Variants in VSTM2L observed in about 807,000 individuals in gnomAD.
The protein encoded by VSTM2L is V-set and transmembrane domain-containing protein 2-like protein.
Under a neutral mutation model 19.9 loss-of-function variants are expected in VSTM2L, and 9 were observed. The observed-to-expected ratio is 0.45, with a 90% CI of 0.27 to 0.79. The LOEUF is 0.79. Among genes scored for constraint, VSTM2L ranks in the 30% least tolerant of loss-of-function variants. The pLI, the probability that VSTM2L is intolerant of heterozygous loss-of-function variation, is 0.15. For missense variants in VSTM2L, 286 were observed against 295.5 expected (o/e 0.97, Z 0.24); for synonymous variants, 127 against 133.8 (o/e 0.95, Z 0.35).
At chr20:37,931,838 G>A in intron 2 of VSTM2L, 34 bp downstream of exon 2, 1 of 1,602,172 alleles carries the variant, frequency 6.2e-7, no homozygotes, top group Non-Finnish European at 8.5e-7. Flanking sequence ...AAGCTGGGCT[G>A]GGGAAGTCCT....
intron 1 of VSTM2L, among the ~76,000 whole-genome samples, chr20:37,926,692 T>C (rs1483374339): frequency 6.6e-6 from 1 of 152,216 alleles, no homozygotes; most frequent in Non-Finnish European, 1.5e-5. Flanking sequence ...GAGCATGGAC[T>C]TGGGCGTCAC....
chr20:37,939,841 G>A (rs1327858964), intron 3 of VSTM2L, among the ~76,000 whole-genome samples: 1 of 152,192 alleles, frequency 6.6e-6, no homozygotes, highest in Admixed American at 6.5e-5. Flanking sequence ...GACTTGTCAC[G>A]GTCAGCGCCT....
At chr20:37,934,890 C>G (rs575259912) in intron 3 of VSTM2L, among the ~76,000 whole-genome samples, 1 of 152,268 alleles carries the variant, frequency 6.6e-6, no homozygotes, top group Admixed American at 6.5e-5. Flanking sequence ...TCTGAAAATT[C>G]AAGCCATTTT....
rs1486956487 is a variant in VSTM2L at position 37,903,262 on chromosome 20, C to A, written c.-89C>A. ...CAGCTGCCGGAGCCGGGCAGCCAGG[C>A]CGCTCAGGGCAGGGGACAGCTGGCG... On this transcript the variant is annotated 5_prime_UTR_variant, in exon 1 of 4. Coordinates refer to ENST00000373461, the MANE Select transcript of VSTM2L (RefSeq NM_080607.3). 1.7e-5 allele frequency: 21 copies of A among 1,247,282 alleles called. No homozygotes were observed. The highest frequency in any genetic ancestry group is 2.1e-5 in the Non-Finnish European group (21 of 994,862). 77.3% of individuals were successfully genotyped at this position (1,247,282 alleles called of 1,614,324 possible). A position where few individuals can be genotyped will look rare whatever the true frequency, so the allele number is the denominator to read the frequency against.
intron 1 of VSTM2L, among the ~76,000 whole-genome samples, chr20:37,905,939 A>G (rs2072749793): frequency 6.6e-6 from 1 of 151,674 alleles, no homozygotes; most frequent in South Asian, 2.1e-4. Context: ...AAAGCTCAGA[A>G]ATTGCTGTTT....
chr20:37,933,259 A>G (rs6096973), intron 2 of VSTM2L, among the ~76,000 whole-genome samples: 2,742 of 152,296 alleles, frequency 0.018, 82 homozygotes, highest in African/African-American at 0.062. Context: ...ACTCCCTCCA[A>G]TATATACCAA....
chr20:37,930,163 A>G (rs983744998), intron 1 of VSTM2L, among the ~76,000 whole-genome samples: 1 of 152,168 alleles, frequency 6.6e-6, no homozygotes, highest in Admixed American at 6.5e-5. Context: ...CCAGAAACCC[A>G]CTGTTCAAGT....
At chr20:37,932,521 G>A (rs2072916690) in intron 2 of VSTM2L, among the ~76,000 whole-genome samples, 1 of 152,154 alleles carries the variant, frequency 6.6e-6, no homozygotes. Flanking sequence ...GTTGGAGGAT[G>A]AATGCCTCAG....
intron 1 of VSTM2L, among the ~76,000 whole-genome samples, chr20:37,921,502 A>G (rs566056401): frequency 3.7e-4 from 57 of 152,324 alleles, no homozygotes; most frequent in African/African-American, 1.3e-3. Context: ...CTGAGCATCT[A>G]CTATGTGCAT....
At chr20:37,908,222 G>T (rs2072761278) in intron 1 of VSTM2L, among the ~76,000 whole-genome samples, 1 of 152,340 alleles carries the variant, frequency 6.6e-6, no homozygotes, top group Non-Finnish European at 1.5e-5. Context: ...CGGCCAGCAG[G>T]ACGCAGGGAA....
At position 37,935,847 on chromosome 20, in the gene VSTM2L, T is replaced by C. The variant is rs192787126; in HGVS notation, c.342+2258T>C. Among the ~76,000 whole-genome samples, 148 of 151,746 alleles carry C rather than the reference T, an allele frequency of 9.8e-4. 1 individual carries two copies. Among genetic ancestry groups the C allele is most frequent in the African/African-American group, 3.4e-3 (139 of 41,344 alleles). On this transcript the variant is annotated intron_variant, in intron 3 of 3. Transcript: ENST00000373461. ...TGAATAATTATCACACACACAGACATACGCCCAGGCCAATGTGTGTGTGAA... is the reference window on the plus strand; with the variant it reads ...TGAATAATTATCACACACACAGACACACGCCCAGGCCAATGTGTGTGTGAA...
In VSTM2L at chr20:37,933,553, G is replaced by A. The variant is rs147470276; in HGVS notation, c.306G>A (p.Gln102=). Residue 102 remains glutamine, a synonymous_variant, in exon 3 of 4, where the codon CAG becomes CAA. Transcript: ENST00000373461. ...AWASNQLKAS[Q]QEDAGKEATK... ...GATCCCAACAGCTAAAAGCATCTCAGCAGGAAGACGCAGGGAAGGAGGCAA... is the reference window on the plus strand; with the variant it reads ...GATCCCAACAGCTAAAAGCATCTCAACAGGAAGACGCAGGGAAGGAGGCAA... 9.8e-4 allele frequency: 1,565 copies of A among 1,594,828 alleles called. 20 individuals carry two copies. In the South Asian group the frequency reaches 0.016, roughly 16 times the overall value.
At chr20:37,926,480 T>C (rs764886214) in intron 1 of VSTM2L, among the ~76,000 whole-genome samples, 136 of 151,912 alleles carry the variant, frequency 9.0e-4, no homozygotes, top group Admixed American at 2.8e-3. Context: ...GAGGCAGAGG[T>C]TGCAGTGAGC....
intron 1 of VSTM2L, among the ~76,000 whole-genome samples, chr20:37,913,737 C>T (rs1184320541): frequency 6.6e-6 from 1 of 152,244 alleles, no homozygotes; most frequent in Non-Finnish European, 1.5e-5. Context: ...AGTGGAGCTG[C>T]GCCTGGCTGC....
At chr20:37,909,765 G>A (rs1027022633) in intron 1 of VSTM2L, among the ~76,000 whole-genome samples, 10 of 152,080 alleles carry the variant, frequency 6.6e-5, no homozygotes, top group South Asian at 2.1e-4. Context: ...CAAGGGTCGC[G>A]CCCTTCTCCC....
intron 1 of VSTM2L, among the ~76,000 whole-genome samples, chr20:37,921,340 C>T (rs533609444): frequency 3.3e-5 from 5 of 152,082 alleles, no homozygotes; most frequent in Non-Finnish European, 7.4e-5. Flanking sequence ...CTTTGGATGC[C>T]GAGCCTGGGA....
chr20:37,923,050 G>A (rs370507698), intron 1 of VSTM2L, among the ~76,000 whole-genome samples: 6 of 152,300 alleles, frequency 3.9e-5, no homozygotes, highest in African/African-American at 1.4e-4. Flanking sequence ...ACTATGTGCC[G>A]TGAGGCGTGA....
rs182279441 is a variant in VSTM2L at position 37,903,396 on chromosome 20, G to A, written c.46G>A (p.Ala16Thr). The A allele has an allele frequency of 4.0e-3, 5,919 of 1,490,640 alleles. 200 individuals carry two copies. In the African/African-American group the frequency reaches 0.074, roughly 19 times the overall value. The allele number at this position is 1,490,640 out of a possible 1,614,324, so 92.3% of individuals were successfully genotyped here. Residue 16 changes from alanine to threonine, a missense_variant, in exon 1 of 4, where the codon GCA becomes ACA. By Grantham distance (58) the Ala-to-Thr change is moderately conservative (BLOSUM62 0). Coordinates refer to ENST00000373461, the MANE Select transcript of VSTM2L (RefSeq NM_080607.3). ...AVALGALHYL[A>T]LFLQLGGATR... The stretch of plus-strand genomic sequence containing the variant: ...AGCGCTGGGCGCCCTCCACTACCTG[G>A]CACTTTTCCTGCAACTCGGCGGCGC...
chr20:37,926,262 A>G (rs566697242), intron 1 of VSTM2L, among the ~76,000 whole-genome samples: 19 of 152,294 alleles, frequency 1.2e-4, no homozygotes, highest in African/African-American at 4.3e-4. Flanking sequence ...AGGTTTCACC[A>G]TGTTGGTCAG....
Sources: gnomAD v4.1 joint callset for allele counts (sites outside exome capture counted in the v4.1 genomes callset) on GRCh38, gnomAD v4.1.1 for gene constraint, MANE v1.5 for transcripts, NCBI Gene and HGNC (gene_info 2026-07-23, HGNC 2026-07-21) for gene names.